Variants in FAM110B observed in about 807,000 individuals in gnomAD.
FAM110B encodes family with sequence similarity 110 member B, also known as protein FAM110B.
A neutral mutation model predicts 20.4 loss-of-function variants in FAM110B; 6 were observed. The ratio of observed to expected loss-of-function variants is 0.29; its 90% CI spans 0.16 to 0.58. The LOEUF (loss-of-function observed/expected upper bound fraction) is 0.58, where lower values mean the gene tolerates loss of function less well. FAM110B is among the 20% of genes least tolerant of loss of function. The probability of loss-of-function intolerance (pLI) is 0.90; values close to 1 mark genes in which losing one functional copy is unlikely to be tolerated. For synonymous variants in FAM110B, 226 were observed against 214.1 expected, an observed-to-expected ratio of 1.06 and a Z score of -0.49; for missense variants, 434 against 498.2, an observed-to-expected ratio of 0.87 and a Z score of 1.23.
At chr8:58,102,974 C>A in intron 3 of FAM110B, among the ~76,000 whole-genome samples, 1 of 123,590 alleles carries the variant, frequency 8.1e-6, no homozygotes. Context: ...TTTACCTGAG[C>A]AGTATTATAT....
intron 3 of FAM110B, among the ~76,000 whole-genome samples, chr8:58,141,752 G>C (rs1462033202): frequency 6.6e-6 from 1 of 152,208 alleles, no homozygotes; most frequent in Admixed American, 6.5e-5. Flanking sequence ...GGGAGAGTTT[G>C]TGCAGAGCTC....
chr8:58,141,440 T>G (rs1414255089), intron 3 of FAM110B, among the ~76,000 whole-genome samples: 1 of 152,196 alleles, frequency 6.6e-6, no homozygotes, highest in Non-Finnish European at 1.5e-5. Flanking sequence ...CACTTAGATG[T>G]TAGGTGACTT....
chr8:58,132,177 A>G (rs1434682635), intron 3 of FAM110B, among the ~76,000 whole-genome samples: 2 of 152,016 alleles, frequency 1.3e-5, no homozygotes, highest in Non-Finnish European at 2.9e-5. Flanking sequence ...TATTTTTTAT[A>G]TTTTATGAAT....
chr8:57,998,843 C>T (rs144988829), intron 1 of FAM110B, among the ~76,000 whole-genome samples: 6 of 152,284 alleles, frequency 3.9e-5, no homozygotes, highest in African/African-American at 1.4e-4. Context: ...TTAAAACAAC[C>T]TGAGTTTGTT....
At chr8:58,096,178 C>T (rs1806621994) in intron 3 of FAM110B, among the ~76,000 whole-genome samples, 1 of 152,026 alleles carries the variant, frequency 6.6e-6, no homozygotes, top group Non-Finnish European at 1.5e-5. Context: ...TACCAATGGT[C>T]TTGACTCTTT....
chr8:58,140,522 C>A (rs1313396651), intron 3 of FAM110B, among the ~76,000 whole-genome samples: 1 of 152,222 alleles, frequency 6.6e-6, no homozygotes, highest in African/African-American at 2.4e-5. Context: ...GCTGCCATGA[C>A]CCCTTCCCTG....
At chr8:57,998,659 C>T (rs1804231762) in intron 1 of FAM110B, among the ~76,000 whole-genome samples, 1 of 152,150 alleles carries the variant, frequency 6.6e-6, no homozygotes, top group Non-Finnish European at 1.5e-5. Context: ...CTAAATGTAG[C>T]ATTAACTCTA....
intron 3 of FAM110B, among the ~76,000 whole-genome samples, chr8:58,102,785 G>A (rs1443562968): frequency 6.6e-6 from 1 of 151,974 alleles, no homozygotes; most frequent in African/African-American, 2.4e-5. Context: ...TGAGGGGCCT[G>A]GTCATCTTCA....
intron 2 of FAM110B, among the ~76,000 whole-genome samples, chr8:58,062,425 A>C (rs944812439): frequency 6.6e-6 from 1 of 152,200 alleles, no homozygotes; most frequent in African/African-American, 2.4e-5. Flanking sequence ...AACAGACTCC[A>C]TTTGCACATT....
chr8:58,116,616 A>G (rs1044764288), intron 3 of FAM110B, among the ~76,000 whole-genome samples: 1 of 152,196 alleles, frequency 6.6e-6, no homozygotes, highest in African/African-American at 2.4e-5. Flanking sequence ...TATTCAGACC[A>G]GATATATTTC....
intron 3 of FAM110B, among the ~76,000 whole-genome samples, chr8:58,076,294 G>C (rs1181132669): frequency 2.6e-5 from 4 of 152,158 alleles, no homozygotes; most frequent in Non-Finnish European, 4.4e-5. Flanking sequence ...GAATGAGATG[G>C]TGGTGCAGGG....
intron 3 of FAM110B, among the ~76,000 whole-genome samples, chr8:58,133,700 A>G (rs1803543519): frequency 6.8e-6 from 1 of 147,746 alleles, no homozygotes; most frequent in Admixed American, 6.6e-5. Flanking sequence ...GGCTGGATAG[A>G]GGGGACAGAG....
chr8:58,135,676 A>C (rs1803594195), intron 3 of FAM110B, among the ~76,000 whole-genome samples: 1 of 152,188 alleles, frequency 6.6e-6, no homozygotes, highest in Non-Finnish European at 1.5e-5. Context: ...AGTAACATGC[A>C]AAGTGCGGAC....
intron 3 of FAM110B, among the ~76,000 whole-genome samples, chr8:58,076,932 T>TA (rs1806050360): frequency 6.6e-6 from 1 of 152,232 alleles, no homozygotes; most frequent in African/African-American, 2.4e-5. Context: ...TTATGCAGGA[T>TA]GTTGTCGGGT....
Position 58,148,678 on chromosome 8 carries a change from CT to C in FAM110B, c.*1340del, listed in dbSNP as rs1301147287. Reference sequence around the variant, plus strand: ...TTAGACTTCATGAGCTAATAGGAAACTTTTTATGGTGTAAATGCTGTAAGAC... The same window carrying C: ...TTAGACTTCATGAGCTAATAGGAAACTTTTATGGTGTAAATGCTGTAAGAC... On this transcript the variant is annotated 3_prime_UTR_variant, in exon 4 of 4. Coordinates refer to ENST00000519262, the MANE Select transcript of FAM110B (RefSeq NM_001377989.1). 1 of 167,076 alleles carries C rather than the reference CT, an allele frequency of 6.0e-6. No homozygotes were observed. Among genetic ancestry groups the C allele is most frequent in the African/African-American group, 2.4e-5 (1 of 41,432 alleles). The allele number at this position is 167,076 out of a possible 1,614,324, so 10.3% of individuals were successfully genotyped here.
At chr8:58,057,749 C>T (rs1805576443) in intron 2 of FAM110B, among the ~76,000 whole-genome samples, 1 of 152,234 alleles carries the variant, frequency 6.6e-6, no homozygotes, top group Admixed American at 6.5e-5. Flanking sequence ...TCAGTTTGCT[C>T]AACTGTAAAA....
chr8:58,141,595 GCTTT>G (rs1466617928), intron 3 of FAM110B, among the ~76,000 whole-genome samples: 2 of 152,202 alleles, frequency 1.3e-5, no homozygotes, highest in Admixed American at 1.3e-4. Context: ...TAACTCCAGT[GCTTT>G]CTTTCCTACT....
At chr8:58,054,787 G>A (rs956901005) in intron 2 of FAM110B, among the ~76,000 whole-genome samples, 19 of 152,108 alleles carry the variant, frequency 1.2e-4, no homozygotes, top group African/African-American at 4.1e-4. Context: ...ACCTCTACCT[G>A]TAGATCTTTT....
chr8:58,135,329 T>G (rs1803584887), intron 3 of FAM110B, among the ~76,000 whole-genome samples: 1 of 152,220 alleles, frequency 6.6e-6, no homozygotes, highest in Non-Finnish European at 1.5e-5. Flanking sequence ...TAATGGGGCA[T>G]TATTACAGTT....
Sources: gnomAD v4.1 joint callset for allele counts (sites outside exome capture counted in the v4.1 genomes callset) on GRCh38, gnomAD v4.1.1 for gene constraint, MANE v1.5 for transcripts, NCBI Gene and HGNC (gene_info 2026-07-23, HGNC 2026-07-21) for gene names.